The following PIK3R1 variants were observed in gnomAD, a reference collection of about 807,000 sequenced individuals.
The protein encoded by PIK3R1 is phosphoinositide-3-kinase regulatory subunit 1, also known as phosphatidylinositol 3-kinase regulatory subunit alpha.
PIK3R1 carries 29 observed loss-of-function variants against 98.0 expected under a neutral mutation model. That is an observed-to-expected ratio of 0.30 (90% confidence interval 0.22 to 0.40). The LOEUF (loss-of-function observed/expected upper bound fraction) is 0.40, where lower values mean the gene tolerates loss of function less well. PIK3R1 is among the 10% of genes least tolerant of loss of function. PIK3R1 has a pLI of 1.00. For synonymous variants in PIK3R1, 282 were observed against 311.8 expected (o/e 0.90, Z 1.01); for missense variants, 596 against 872.7 (o/e 0.68, Z 3.99).
intron 7 of PIK3R1, 50 bp downstream of exon 7, chr5:68,281,056 C>A: frequency 7.7e-7 from 1 of 1,291,522 alleles, no homozygotes; most frequent in Non-Finnish European, 1.1e-6. Context: ...TTTTTTAGAG[C>A]CTTAAAAAAT....
chr5:68,237,354 C>T (rs1050528565), intron 2 of PIK3R1, among the ~76,000 whole-genome samples: 8 of 152,090 alleles, frequency 5.3e-5, no homozygotes, highest in Non-Finnish European at 1.2e-4. Flanking sequence ...AATGCCAAAC[C>T]ATATTTCTCA....
chr5:68,269,344 A>G (rs984833204), intron 2 of PIK3R1, among the ~76,000 whole-genome samples: 6 of 152,234 alleles, frequency 3.9e-5, no homozygotes, highest in African/African-American at 1.4e-4. Context: ...AAAACCCATT[A>G]CTTATTCAGG....
chr5:68,286,249 G>C (rs925913866), intron 7 of PIK3R1, among the ~76,000 whole-genome samples: 13 of 152,146 alleles, frequency 8.5e-5, no homozygotes, highest in African/African-American at 3.1e-4. Context: ...GAATCCAGAA[G>C]GTAAAGTTAG....
intron 2 of PIK3R1, among the ~76,000 whole-genome samples, chr5:68,243,733 T>C (rs1744955679): frequency 6.6e-6 from 1 of 152,202 alleles, no homozygotes; most frequent in Non-Finnish European, 1.5e-5. Context: ...GCTGCTCAGT[T>C]AATTTTGGTG....
chr5:68,296,288 C>T lies in PIK3R1; in HGVS notation c.1932C>T (p.Gly644=), dbSNP rs1747711171. The T allele has an allele frequency of 6.2e-7, 1 of 1,614,158 alleles. No homozygotes were observed. The highest frequency in any genetic ancestry group is 8.5e-7 in the Non-Finnish European group (1 of 1,180,012). ...AENLLRGKRD[G]TFLVRESSKQ... Reference sequence around the variant, plus strand: ...ACCTGTTGCGAGGGAAGCGAGATGGCACTTTTCTTGTCCGGGAGAGCAGTA... The same window carrying T: ...ACCTGTTGCGAGGGAAGCGAGATGGTACTTTTCTTGTCCGGGAGAGCAGTA... The change falls in exon 15 of 16, where the codon GGC becomes GGT. Residue 644 remains glycine, a synonymous_variant. Transcript: ENST00000521381.
Position 68,300,537 on chromosome 5 carries a change from C to T in PIK3R1, c.*2936C>T, listed in dbSNP as rs75107789. 4,482 of 233,252 alleles carry T rather than the reference C, an allele frequency of 0.019. 58 individuals are homozygous for T. Among genetic ancestry groups the T allele is most frequent in the Middle Eastern group, 0.033 (26 of 786 alleles). 14.4% of individuals were successfully genotyped at this position (233,252 alleles called of 1,614,324 possible). Reference sequence around the variant, plus strand: ...TAGAAGTGGGAGCATTGGGACCTCACATTACACACACGAGAGATCATAACC... The same window carrying T: ...TAGAAGTGGGAGCATTGGGACCTCATATTACACACACGAGAGATCATAACC... On this transcript the variant is annotated 3_prime_UTR_variant, in exon 16 of 16. Transcript: ENST00000521381.
At chr5:68,223,746 A>G (rs1744178449) in intron 1 of PIK3R1, among the ~76,000 whole-genome samples, 1 of 152,120 alleles carries the variant, frequency 6.6e-6, no homozygotes, top group South Asian at 2.1e-4. Context: ...TTAGGTTTCT[A>G]TTTCCCTTTG....
chr5:68,260,054 G>A (rs1332112246), intron 2 of PIK3R1, among the ~76,000 whole-genome samples: 4 of 152,094 alleles, frequency 2.6e-5, no homozygotes, highest in South Asian at 2.1e-4. Context: ...GTAAAGCAAC[G>A]TAGCATAGAG....
chr5:68,269,468 G>T (rs1012132036), intron 2 of PIK3R1, among the ~76,000 whole-genome samples: 4 of 152,198 alleles, frequency 2.6e-5, no homozygotes, highest in African/African-American at 7.2e-5. Context: ...GATAATATTT[G>T]CATCTTTTTG....
rs1746808390 is a variant in PIK3R1 at position 68,280,965 on chromosome 5, T to A, written c.875T>A (p.Ile292Asn). The change falls in exon 7 of 16, where the codon ATT becomes AAT. Residue 292 changes from isoleucine (I) to asparagine (N), a missense_variant. By Grantham distance (149) the Ile-to-Asn change is moderately radical (BLOSUM62 -3). Coordinates refer to ENST00000521381, the MANE Select transcript of PIK3R1 (RefSeq NM_181523.3). ...GAAAACCTCATAAAAGTTATAGAAA[T>A]TTTAATCTCAACTGAATGGAATGAA... ...NTENLIKVIE[I>N]LISTEWNERQ... The A allele has an allele frequency of 6.2e-7, 1 of 1,606,344 alleles. No individual in the cohort carries two copies. The highest frequency in any genetic ancestry group is 2.2e-5 in the East Asian group (1 of 44,820).
In PIK3R1 at chr5:68,262,655, G is replaced by A. The variant is rs536077701; in HGVS notation, c.335-10735G>A. 1.3e-3 allele frequency among the ~76,000 whole-genome samples: 170 copies of A among 129,632 alleles called. 3 individuals carry two copies. The highest frequency in any genetic ancestry group is 1.9e-3 in the Non-Finnish European group (119 of 62,892). 85.0% of individuals were successfully genotyped at this position (129,632 alleles called of 152,430 possible). On this transcript the variant is annotated intron_variant, in intron 2 of 15. Transcript: ENST00000521381. ...TATACACATGTATACACATGTATCT[G>A]CATGTATACACATGTAGATACATGT...
intron 2 of PIK3R1, among the ~76,000 whole-genome samples, chr5:68,249,065 T>C (rs1233859260): frequency 2.0e-5 from 3 of 152,228 alleles, no homozygotes; most frequent in African/African-American, 7.2e-5. Flanking sequence ...ATTTAAGACA[T>C]GAGCATTTTA....
intron 15 of PIK3R1, 125 bp from the exon 16 acceptor site, chr5:68,297,287 T>C (rs959489565): frequency 4.0e-6 from 3 of 744,070 alleles, no homozygotes; most frequent in Non-Finnish European, 6.6e-6. Flanking sequence ...CAGGTGTCAG[T>C]TGTAACCTAG....
chr5:68,237,180 A>G (rs1744696809), intron 2 of PIK3R1, among the ~76,000 whole-genome samples: 1 of 152,208 alleles, frequency 6.6e-6, no homozygotes, highest in South Asian at 2.1e-4. Flanking sequence ...TATCCAGCAT[A>G]AGAATTGTGT....
intron 2 of PIK3R1, among the ~76,000 whole-genome samples, chr5:68,264,218 G>T (rs1746024949): frequency 6.6e-6 from 1 of 152,178 alleles, no homozygotes; most frequent in African/African-American, 2.4e-5. Context: ...AGAGGTGATG[G>T]TGAAAAGCTG....
intron 2 of PIK3R1, among the ~76,000 whole-genome samples, chr5:68,254,216 A>C (rs534541212): frequency 3.0e-4 from 46 of 152,318 alleles, no homozygotes; most frequent in African/African-American, 1.1e-3. Flanking sequence ...TATTCCCAAG[A>C]AAAGAATGAT....
At chr5:68,227,980 T>C (rs1744343765) in intron 2 of PIK3R1, among the ~76,000 whole-genome samples, 1 of 152,238 alleles carries the variant, frequency 6.6e-6, no homozygotes, top group African/African-American at 2.4e-5. Flanking sequence ...ACAAGCCTTA[T>C]GCTCAGCTTT....
Position 68,283,345 on chromosome 5 carries a change from C to A in PIK3R1, c.916+2339C>A, listed in dbSNP as rs558576206. On this transcript the variant is annotated intron_variant, in intron 7 of 15. Coordinates refer to ENST00000521381, the MANE Select transcript of PIK3R1 (RefSeq NM_181523.3). ...TGATGTTTGAGGCAAAGTATCAGTT[C>A]AAATAAGAGCCATTAGCACATAGTA... Among the ~76,000 whole-genome samples, 84 of 152,228 alleles carry A rather than the reference C, an allele frequency of 5.5e-4. 2 individuals are homozygous for A. Among genetic ancestry groups the A allele is most frequent in the African/African-American group, 2.0e-3 (83 of 41,518 alleles).
chr5:68,216,941 A>G (rs776626510), intron 1 of PIK3R1, among the ~76,000 whole-genome samples: 1 of 152,116 alleles, frequency 6.6e-6, no homozygotes, highest in Admixed American at 6.5e-5. Context: ...ATGTGTGTCA[A>G]CTGGGTTTGG....
Sources: gnomAD v4.1 joint callset for allele counts (sites outside exome capture counted in the v4.1 genomes callset) on GRCh38, gnomAD v4.1.1 for gene constraint, MANE v1.5 for transcripts, NCBI Gene and HGNC (gene_info 2026-07-23, HGNC 2026-07-21) for gene names.